Variants in RBFOX3 observed in about 807,000 individuals in gnomAD.
The protein encoded by RBFOX3 is RNA binding protein fox-1 homolog 3.
In RBFOX3, 17 loss-of-function variants were observed where a neutral mutation model predicts 48.7. The observed-to-expected ratio is 0.35, with a 90% confidence interval of 0.24 to 0.52. The LOEUF (loss-of-function observed/expected upper bound fraction) is 0.52. Ranked by LOEUF, RBFOX3 falls within the 20% of genes least tolerant of loss-of-function variation. RBFOX3 has a pLI of 0.94. For missense variants in RBFOX3, 382 were observed against 497.5 expected (o/e 0.77, Z 2.21); for synonymous variants, 212 against 209.5 (o/e 1.01, Z -0.10).
At chr17:79,185,108 T>G (rs2053129340) in intron 4 of RBFOX3, among the ~76,000 whole-genome samples, 1 of 152,012 alleles carries the variant, frequency 6.6e-6, no homozygotes, top group Admixed American at 6.5e-5. Context: ...TTCATCTTCT[T>G]CGTAGAGGAG....
chr17:79,118,619 C>T (rs1301014704), intron 4 of RBFOX3, among the ~76,000 whole-genome samples: 4 of 152,092 alleles, frequency 2.6e-5, no homozygotes, highest in African/African-American at 7.2e-5. Flanking sequence ...TTAGAGCCTT[C>T]ACCGCCTTGC....
intron 4 of RBFOX3, among the ~76,000 whole-genome samples, chr17:79,178,981 G>A (rs928706327): frequency 1.3e-5 from 2 of 152,174 alleles, no homozygotes; most frequent in African/African-American, 4.8e-5. Flanking sequence ...CTGGCCAGTG[G>A]TGGGATACTC....
chr17:79,217,544 G>A lies in RBFOX3; in HGVS notation c.-34+18222C>T, dbSNP rs929708323. ...ACAAGACCCAGCCAGGGTGCTCGAGGGAGCTGCAGGCAGAGGGGAGATGGA... is the reference window on the plus strand; with the variant it reads ...ACAAGACCCAGCCAGGGTGCTCGAGAGAGCTGCAGGCAGAGGGGAGATGGA... On this transcript the variant is annotated intron_variant, in intron 4 of 14. Coordinates refer to ENST00000693108, the MANE Select transcript of RBFOX3 (RefSeq NM_001350451.2). 7.9e-5 allele frequency among the ~76,000 whole-genome samples: 12 copies of A among 152,308 alleles called. No individual in the cohort carries two copies. In the East Asian group the frequency reaches 2.1e-3, roughly 27 times the overall value.
chr17:79,153,751 ACCT>A (rs139610464), intron 4 of RBFOX3, among the ~76,000 whole-genome samples: 70 of 152,014 alleles, frequency 4.6e-4, no homozygotes, highest in Non-Finnish European at 9.0e-4. Context: ...CTGACTTCCC[ACCT>A]CCTCCTCCCA....
At chr17:79,624,581 C>T in the RBFOX3 span, among the ~76,000 whole-genome samples, 5 of 152,260 alleles carry the variant, frequency 3.3e-5, no homozygotes, top group African/African-American at 4.8e-5. Context: ...CAGAGCCGAG[C>T]GAAGGGAGCA....
chr17:79,480,593 C>CG lies in RBFOX3; in HGVS notation c.-175+1860dup, dbSNP rs1437927670. ...CTCCTTCCTCCACCTGCACAGCCCC[C>CG]GGACCCCGTGATGCCAGCCCCTCCT... On this transcript the variant is annotated intron_variant, in intron 2 of 14. Transcript: ENST00000693108. This position sits in a 1 kb window ranked among gnomAD's most constrained non-coding sequence, Gnocchi z 4.8. 1.3e-5 allele frequency among the ~76,000 whole-genome samples: 2 copies of CG among 152,178 alleles called. No homozygotes were observed. Among genetic ancestry groups the CG allele is most frequent in the African/African-American group, 4.8e-5 (2 of 41,434 alleles).
chr17:79,355,829 C>T (rs942017694), intron 2 of RBFOX3, among the ~76,000 whole-genome samples: 2 of 152,218 alleles, frequency 1.3e-5, no homozygotes, highest in African/African-American at 4.8e-5. Flanking sequence ...GATCTACCTG[C>T]CTTAGCTTCC....
chr17:79,143,942 C>T (rs541944697), intron 4 of RBFOX3, among the ~76,000 whole-genome samples: 256 of 152,366 alleles, frequency 1.7e-3, no homozygotes, highest in African/African-American at 5.6e-3. Flanking sequence ...AGGACGGACA[C>T]CCCCATCCTT....
the RBFOX3 span, among the ~76,000 whole-genome samples, chr17:79,632,123 G>A: frequency 5.8e-3 from 884 of 152,346 alleles, 7 homozygotes; most frequent in African/African-American, 0.021. Context: ...GCAACCAAGA[G>A]ACAACTCTAT....
intron 1 of RBFOX3, among the ~76,000 whole-genome samples, chr17:79,566,546 C>T (rs1197671716): frequency 6.6e-5 from 10 of 152,190 alleles, no homozygotes; most frequent in Middle Eastern, 3.2e-3. Context: ...AAAGCCAAAC[C>T]GCCAGAACCC....
intron 1 of RBFOX3, among the ~76,000 whole-genome samples, chr17:79,579,462 C>G (rs1469034941): frequency 6.6e-6 from 1 of 152,180 alleles, no homozygotes; most frequent in Non-Finnish European, 1.5e-5. Flanking sequence ...TCTTGCAGAC[C>G]ATCTCCACAA....
chr17:79,219,972 A>C (rs1225561272), intron 4 of RBFOX3, among the ~76,000 whole-genome samples: 1 of 149,204 alleles, frequency 6.7e-6, no homozygotes, highest in African/African-American at 2.5e-5. Flanking sequence ...TCCGAGGCCC[A>C]CCTAGAACAG....
chr17:79,417,627 T>C (rs945568939), intron 2 of RBFOX3, among the ~76,000 whole-genome samples: 3 of 152,192 alleles, frequency 2.0e-5, no homozygotes. Flanking sequence ...CTGGTGGGAA[T>C]GGAAGATGGC....
rs1005792414 is a variant in RBFOX3, at chr17:79,307,840, A to G, written c.-174-16T>C. On this transcript the variant is annotated splice_polypyrimidine_tract_variant and intron_variant, in intron 2 of 14. Transcript: ENST00000693108. ...TGACTTCAAGCTGCATTTCAAAAAG[A>G]AAACAAGAGAACAAAACGGTGTTCA... 6.5e-6 allele frequency: 1 copy of G among 153,920 alleles called. No individual in the cohort carries two copies. Among genetic ancestry groups the G allele is most frequent in the South Asian group, 2.1e-4 (1 of 4,828 alleles). The allele number at this position is 153,920 out of a possible 1,614,324, so 9.5% of individuals were successfully genotyped here. A position where few individuals can be genotyped will look rare whatever the true frequency, so the allele number is the denominator to read the frequency against.
At chr17:79,450,232 C>T (rs1009716355) in intron 2 of RBFOX3, among the ~76,000 whole-genome samples, 4 of 152,178 alleles carry the variant, frequency 2.6e-5, no homozygotes, top group Non-Finnish European at 5.9e-5. Flanking sequence ...CTCCTGTAGG[C>T]GAGAGTTAAG....
intron 4 of RBFOX3, among the ~76,000 whole-genome samples, chr17:79,143,768 G>A: frequency 6.6e-6 from 1 of 152,326 alleles, no homozygotes; most frequent in East Asian, 1.9e-4. Context: ...TTGGAAGGTG[G>A]GTGGTGCCCT....
At chr17:79,339,411 C>T (rs1598315707) in intron 2 of RBFOX3, among the ~76,000 whole-genome samples, 2 of 152,152 alleles carry the variant, frequency 1.3e-5, no homozygotes, top group African/African-American at 2.4e-5. Flanking sequence ...GTGAGAATTA[C>T]CCATCGCCTA....
intron 3 of RBFOX3, among the ~76,000 whole-genome samples, chr17:79,264,496 C>T (rs1044973221): frequency 6.6e-6 from 1 of 152,068 alleles, no homozygotes; most frequent in Non-Finnish European, 1.5e-5. Flanking sequence ...GAAGTCACTG[C>T]ACCCGGCTCC....
chr17:79,560,337 C>T (rs2092126725), intron 1 of RBFOX3, among the ~76,000 whole-genome samples: 1 of 152,092 alleles, frequency 6.6e-6, no homozygotes, highest in Non-Finnish European at 1.5e-5. Context: ...GAGCAGAGAA[C>T]CCATGCAGGT....
Sources: gnomAD v4.1 joint callset for allele counts (sites outside exome capture counted in the v4.1 genomes callset) on GRCh38, gnomAD v4.1.1 for gene constraint, Gnocchi (gnomAD v3.1) non-coding constraint, MANE v1.5 for transcripts, NCBI Gene and HGNC (gene_info 2026-07-23, HGNC 2026-07-21) for gene names.